Variants in RPAP1 observed in about 807,000 individuals in gnomAD.
RPAP1 encodes RNA polymerase II-associated protein 1.
RPAP1 carries 109 observed loss-of-function variants against 142.4 expected under a neutral mutation model. The observed-to-expected ratio is 0.77, with a 90% confidence interval of 0.66 to 0.90. The LOEUF (loss-of-function observed/expected upper bound fraction) is 0.90, where lower values mean the gene tolerates loss of function less well. Among genes scored for constraint, RPAP1 ranks in the 40% least tolerant of loss-of-function variants. RPAP1 has a pLI of 0.00. For missense variants in RPAP1, 1,546 were observed against 1,751.7 expected (o/e 0.88, Z 2.10); for synonymous variants, 704 against 738.9 (o/e 0.95, Z 0.77).
chr15:41,535,944 T>C (rs902062922), intron 4 of RPAP1, among the ~76,000 whole-genome samples, 185 bp downstream of exon 4: 5 of 152,192 alleles, frequency 3.3e-5, no homozygotes, highest in Admixed American at 3.3e-4. Context: ...CAAGGTATCA[T>C]CATGATACCT....
intron 8 of RPAP1, 58 bp downstream of exon 8, chr15:41,529,806 G>A: frequency 7.9e-7 from 1 of 1,273,594 alleles, no homozygotes; most frequent in South Asian, 1.4e-5. Flanking sequence ...GGCAAGAGCA[G>A]CAGCTCCTCT....
intron 1 of RPAP1, among the ~76,000 whole-genome samples, chr15:41,538,893 GAA>G (rs1287940027): frequency 7.4e-6 from 1 of 135,242 alleles, no homozygotes; most frequent in Non-Finnish European, 1.7e-5. Context: ...TGAAAAGAAA[GAA>G]AGAAGCTAGC....
At chr15:41,537,332 C>T in intron 1 of RPAP1, 131 bp from the exon 2 acceptor site, 1 of 573,332 alleles carries the variant, frequency 1.7e-6, no homozygotes, top group East Asian at 3.0e-5. Context: ...TACTGCCATT[C>T]CCTCTGTCTT....
intron 19 of RPAP1, 53 bp from the exon 20 acceptor site, chr15:41,522,303 G>T: frequency 1.9e-6 from 3 of 1,549,762 alleles, no homozygotes; most frequent in Non-Finnish European, 1.7e-6. Context: ...ATGCCTTCTA[G>T]GGCTCCCCAG....
chr15:41,533,737 C>T (rs542335939), intron 6 of RPAP1, among the ~76,000 whole-genome samples: 1 of 151,554 alleles, frequency 6.6e-6, no homozygotes, highest in African/African-American at 2.4e-5. Flanking sequence ...ACTTTGGAGG[C>T]TGAGACAGGA....
chr15:41,541,602 C>G (rs1027632383), intron 1 of RPAP1, among the ~76,000 whole-genome samples: 5 of 152,178 alleles, frequency 3.3e-5, no homozygotes, highest in Non-Finnish European at 7.3e-5. Flanking sequence ...AATCCCAGCA[C>G]TTTGGGAGGC....
At chr15:41,526,482 G>A (rs952715886) in intron 14 of RPAP1, among the ~76,000 whole-genome samples, 1 of 151,846 alleles carries the variant, frequency 6.6e-6, no homozygotes, top group Non-Finnish European at 1.5e-5. Context: ...TGAACTCTTG[G>A]CCCCAAGTGA....
At chr15:41,524,894 C>T (rs2051773549) in intron 15 of RPAP1, 97 bp downstream of exon 15, 1 of 1,306,406 alleles carries the variant, frequency 7.7e-7, no homozygotes, top group Non-Finnish European at 1.1e-6. Flanking sequence ...ATCCTTCCTC[C>T]AAGCTTGGGA....
chr15:41,541,887 C>A (rs1296375247), intron 1 of RPAP1, among the ~76,000 whole-genome samples: 1 of 152,062 alleles, frequency 6.6e-6, no homozygotes, highest in African/African-American at 2.4e-5. Context: ...CTTACTTTTT[C>A]TTCATCTACT....
At chr15:41,543,197 T>C (rs530903122) in intron 1 of RPAP1, among the ~76,000 whole-genome samples, 59 of 143,878 alleles carry the variant, frequency 4.1e-4, no homozygotes, top group Admixed American at 1.3e-3. Flanking sequence ...TTATCAATGC[T>C]GTCCTTTTTT....
At chr15:41,526,411 T>C (rs542335788) in intron 14 of RPAP1, among the ~76,000 whole-genome samples, 2 of 152,312 alleles carry the variant, frequency 1.3e-5, no homozygotes, top group African/African-American at 4.8e-5. Context: ...CACATCTAGC[T>C]AATTTTTTGT....
intron 19 of RPAP1, 117 bp from the exon 20 acceptor site, chr15:41,522,367 TC>T: frequency 1.0e-6 from 1 of 959,088 alleles, no homozygotes; most frequent in Non-Finnish European, 1.5e-6. Context: ...AGGCCTCCCT[TC>T]CCCATGGGAC....
intron 9 of RPAP1, 38 bp downstream of exon 9, chr15:41,529,432 A>G: frequency 7.1e-7 from 1 of 1,398,668 alleles, no homozygotes; most frequent in Non-Finnish European, 1.0e-6. Flanking sequence ...TGGGGTTGTT[A>G]AAAGAGCTGC....
intron 15 of RPAP1, 23 bp downstream of exon 15, chr15:41,524,968 G>A: frequency 6.2e-7 from 1 of 1,609,234 alleles, no homozygotes; most frequent in Non-Finnish European, 8.5e-7. Context: ...TCTAGGGGGA[G>A]CCTACCCCCT....
At position 41,527,849 on chromosome 15, in the gene RPAP1, C is replaced by T. The variant is rs369220853; in HGVS notation, c.1428+11G>A. 6 of 1,613,822 alleles carry T rather than the reference C, an allele frequency of 3.7e-6. No individual in the cohort carries two copies. The highest frequency in any genetic ancestry group is 5.1e-6 in the Non-Finnish European group (6 of 1,179,934). On this transcript the variant is annotated intron_variant, in intron 11 of 24. Coordinates refer to ENST00000304330, the MANE Select transcript of RPAP1 (RefSeq NM_015540.4). Reference sequence around the variant, plus strand: ...CTCCCAGCCCAAGCCCCATTCCTATCCCTGTGGTACCTCATCTCCAGGAGC... The same window carrying T: ...CTCCCAGCCCAAGCCCCATTCCTATTCCTGTGGTACCTCATCTCCAGGAGC...
At chr15:41,542,106 G>A (rs1205215618) in intron 1 of RPAP1, among the ~76,000 whole-genome samples, 1 of 152,302 alleles carries the variant, frequency 6.6e-6, no homozygotes, top group African/African-American at 2.4e-5. Context: ...GTAAAATCCA[G>A]TCCCTGGGTT....
intron 1 of RPAP1, among the ~76,000 whole-genome samples, chr15:41,542,324 T>C (rs1050094226): frequency 1.3e-5 from 2 of 152,140 alleles, no homozygotes; most frequent in African/African-American, 4.8e-5. Context: ...CACATATAAA[T>C]TTACAAGGCA....
In RPAP1 at chr15:41,523,861, C is replaced by T. The variant is rs1279221011; in HGVS notation, c.2346G>A (p.Leu782=). Residue 782 remains leucine (L), a synonymous_variant, in exon 17 of 25, where the codon CTG becomes CTA. Coordinates refer to ENST00000304330, the MANE Select transcript of RPAP1 (RefSeq NM_015540.4). ...EPCLRQTLKL[L]SRPEMWRAVG... is the part of the protein sequence containing the mutation. ...CGGCTCTCCACATCTCAGGTCTGGA[C>T]AGCAACTTCAAGGTCTGCCTTAGAC... The T allele has an allele frequency of 1.9e-6, 3 of 1,608,364 alleles. No homozygotes were observed. Among genetic ancestry groups the T allele is most frequent in the Non-Finnish European group, 2.5e-6 (3 of 1,177,388 alleles).
rs114013416 is a variant in RPAP1, at chr15:41,525,190, T to C, written c.1918-42A>G. 172 of 1,547,796 alleles carry C rather than the reference T, an allele frequency of 1.1e-4. No individual in the cohort carries two copies. The African/African-American group carries it at 2.3e-3, about 20-fold the overall frequency. On this transcript the variant is annotated intron_variant, in intron 14 of 24. Transcript: ENST00000304330. ...TCTGAGGATCAGGGTCAGCTGTGAG[T>C]CTCAAGTCCAGCTACTCTCAGCTGG...
Sources: allele counts gnomAD v4.1 joint callset (sites outside exome capture counted in the v4.1 genomes callset), GRCh38; gene constraint gnomAD v4.1.1; transcripts MANE v1.5; gene names NCBI Gene and HGNC (gene_info 2026-07-23, HGNC 2026-07-21).